PPL: variants seen among roughly 807,000 people sequenced by gnomAD.
The protein encoded by PPL is 190 kDa paraneoplastic pemphigus antigen.
A neutral mutation model predicts 194.4 loss-of-function variants in PPL; 198 were observed. That is an observed-to-expected ratio of 1.02 (90% confidence interval 0.91 to 1.15). The LOEUF is 1.15. PPL is among the 50% of genes most tolerant of loss of function. The pLI is 0.00. For missense variants in PPL, 2,885 were observed against 2,294.8 expected (o/e 1.26, Z -5.25); for synonymous variants, 1,220 against 972.4 (o/e 1.25, Z -4.74).
At chr16:4,921,142 G>A (rs2089041963) in intron 1 of PPL, among the ~76,000 whole-genome samples, 1 of 152,144 alleles carries the variant, frequency 6.6e-6, no homozygotes. Context: ...GGACAATCCT[G>A]AGCAGTCTCA....
At position 4,887,135 on chromosome 16, in the gene PPL, C is replaced by G; in HGVS notation, c.2607G>C (p.Gln869His). 1 of 1,608,072 alleles carries G rather than the reference C, an allele frequency of 6.2e-7. No homozygotes were observed. The highest frequency in any genetic ancestry group is 8.5e-7 in the Non-Finnish European group (1 of 1,174,512). ...AGAATTTCTTACTAAGATCAGTTAC[C>G]TGTCTGAGGAGATTCAGAGCAAACT... Reference protein sequence around the residue: ...NLEFALNLLRQQPEVEVTHET... With the variant: ...NLEFALNLLRHQPEVEVTHET... The change falls in exon 21 of 22, where the codon CAG becomes CAC. Residue 869 changes from glutamine (Q) to histidine (H), a missense_variant and splice_region_variant. Transcript: ENST00000345988.
chr16:4,893,027 G>C (rs577715321), intron 14 of PPL, 186 bp downstream of exon 14: 2 of 670,384 alleles, frequency 3.0e-6, no homozygotes, highest in South Asian at 5.5e-5. Flanking sequence ...CTTTCTCCTG[G>C]GGAGGTAATG....
intron 1 of PPL, among the ~76,000 whole-genome samples, chr16:4,933,530 G>T (rs188772248): frequency 6.6e-6 from 1 of 152,266 alleles, no homozygotes; most frequent in African/African-American, 2.4e-5. Context: ...CCTCCTCTGT[G>T]AAGTCCTCCC....
chr16:4,891,883 C>T lies in PPL; in HGVS notation c.1896G>A (p.Glu632=). The change falls in exon 16 of 22, where the codon GAG becomes GAA. Residue 632 remains glutamate (E), a synonymous_variant. Coordinates refer to ENST00000345988, the MANE Select transcript of PPL (RefSeq NM_002705.5). The part of the protein sequence containing the change: ...QQSWELLATH[E]NHLNQDDTVP... Reference sequence around the variant, plus strand: ...CTGTGTCATCCTGATTCAGATGGTTCTCGTGTGTGGCCAGCAACTCCCAGC... The same window carrying T: ...CTGTGTCATCCTGATTCAGATGGTTTTCGTGTGTGGCCAGCAACTCCCAGC... 6.2e-7 allele frequency: 1 copy of T among 1,613,586 alleles called. No homozygotes were observed. The highest frequency in any genetic ancestry group is 8.5e-7 in the Non-Finnish European group (1 of 1,180,020).
At chr16:4,889,245 T>TG (rs1567992845) in intron 18 of PPL, among the ~76,000 whole-genome samples, 184 bp from the exon 19 acceptor site, 5 of 20,890 alleles carry the variant, frequency 2.4e-4, no homozygotes, top group Admixed American at 1.2e-3. Flanking sequence ...GTTGTTGTTT[T>TG]TTTTTTTTTT....
chr16:4,931,607 TAA>T (rs1400476768), intron 1 of PPL, among the ~76,000 whole-genome samples: 44 of 152,250 alleles, frequency 2.9e-4, no homozygotes, highest in African/African-American at 1.0e-3. Context: ...GTGGTGCCGG[TAA>T]CACCGGCACA....
At chr16:4,923,000 C>T (rs765795864) in intron 1 of PPL, among the ~76,000 whole-genome samples, 3 of 152,172 alleles carry the variant, frequency 2.0e-5, no homozygotes, top group Admixed American at 6.5e-5. Flanking sequence ...GGGGGACAAA[C>T]GCACAGCCCG....
At chr16:4,901,580 T>C (rs1288577170) in intron 4 of PPL, among the ~76,000 whole-genome samples, 1 of 151,700 alleles carries the variant, frequency 6.6e-6, no homozygotes, top group Non-Finnish European at 1.5e-5. Flanking sequence ...TCCCAGCTAC[T>C]TGAGAGGCTG....
At position 4,884,204 on chromosome 16, in the gene PPL, C is replaced by G. The variant is rs201406268; in HGVS notation, c.4451G>C (p.Arg1484Pro). The G allele has an allele frequency of 2.3e-5, 37 of 1,613,820 alleles. No homozygotes were observed. The highest frequency in any genetic ancestry group is 2.8e-5 in the Non-Finnish European group (33 of 1,179,996). ...QLLEGELETLRRKLAALEKAE... is the reference protein window; with the variant it reads ...QLLEGELETLPRKLAALEKAE... ...CTTCTCCAGTGCAGCCAGTTTCCTC[C>G]GGAGGGTCTCGAGCTCCCCCTCCAG... The change falls in exon 22 of 22, where the codon CGG (arginine) becomes CCG (proline). Residue 1484 changes from arginine (R) to proline (P), a missense_variant. Arg to Pro is a moderately radical substitution (Grantham distance 103, BLOSUM62 -2). Coordinates refer to ENST00000345988, the MANE Select transcript of PPL (RefSeq NM_002705.5). This position sits in a 1 kb window ranked among gnomAD's most constrained non-coding sequence, Gnocchi z 5.7.
chr16:4,921,236 GC>G (rs1447362867), intron 1 of PPL, among the ~76,000 whole-genome samples: 1 of 152,228 alleles, frequency 6.6e-6, no homozygotes, highest in Non-Finnish European at 1.5e-5. Context: ...TCAGGAGGCT[GC>G]CCGGTTCCTC....
At chr16:4,899,475 C>CTGGCCTGAGGACAAGCCCAGCTATTGG in intron 6 of PPL, 91 bp from the exon 7 acceptor site, 1 of 709,080 alleles carries the variant, frequency 1.4e-6, no homozygotes, top group Non-Finnish European at 2.3e-6. Context: ...CCAGCTATGG[C>CTGGCCTGAGGACAAGCCCAGCTATTGG]TGGCCTGAGG....
At chr16:4,897,377 T>A (rs2088452213) in intron 9 of PPL, among the ~76,000 whole-genome samples, 2 of 148,104 alleles carry the variant, frequency 1.4e-5, no homozygotes, top group South Asian at 4.4e-4. Context: ...GTTTTATGTA[T>A]CTGCATGTAT....
Position 4,904,007 on chromosome 16 carries a change from C to G in PPL, c.196G>C (p.Glu66Gln), listed in dbSNP as rs1431218110. 1.2e-6 allele frequency: 2 copies of G among 1,612,942 alleles called. No homozygotes were observed. The highest frequency in any genetic ancestry group is 2.7e-5 in the African/African-American group (2 of 74,920). Residue 66 changes from glutamate (E) to glutamine (Q), a missense_variant, in exon 3 of 22, where the codon GAG becomes CAG. Physicochemically the swap from Glu to Gln is conservative, Grantham distance 29 (BLOSUM62 2). Coordinates refer to ENST00000345988, the MANE Select transcript of PPL (RefSeq NM_002705.5). ...LARLQEGRQP[E>Q]HRDVTLQKVL... ...TTCTGCAGGGTCACGTCCCGGTGCTCAGGCTGCCGACCCTCCTGCAGCCGA... is the reference window on the plus strand; with the variant it reads ...TTCTGCAGGGTCACGTCCCGGTGCTGAGGCTGCCGACCCTCCTGCAGCCGA...
intron 1 of PPL, among the ~76,000 whole-genome samples, chr16:4,922,436 C>G (rs1364210170): frequency 6.6e-6 from 1 of 152,082 alleles, no homozygotes; most frequent in Non-Finnish European, 1.5e-5. Flanking sequence ...CTGAGGTGGG[C>G]AGATCACCTG....
intron 10 of PPL, 61 bp downstream of exon 10, chr16:4,895,533 G>A (rs1361289152): frequency 6.2e-7 from 1 of 1,611,178 alleles, no homozygotes; most frequent in South Asian, 1.1e-5. Flanking sequence ...GCTGAGGGCA[G>A]GCATGGTGTA....
At chr16:4,901,875 C>T (rs904494937) in intron 4 of PPL, among the ~76,000 whole-genome samples, 17 of 148,156 alleles carry the variant, frequency 1.1e-4, no homozygotes, top group African/African-American at 2.0e-4. Flanking sequence ...GGGAAGTTGA[C>T]GCTGCAGTGA....
At chr16:4,922,639 G>C (rs1157942090) in intron 1 of PPL, among the ~76,000 whole-genome samples, 1 of 152,242 alleles carries the variant, frequency 6.6e-6, no homozygotes, top group Admixed American at 6.5e-5. Context: ...TCCAGCCTGG[G>C]TGACAGAGCA....
At position 4,884,726 on chromosome 16, in the gene PPL, G is replaced by A. The variant is rs769412954; in HGVS notation, c.3929C>T (p.Ser1310Phe). ...EDPQTKEEVASLRAKLSEEQK... is the reference protein window; with the variant it reads ...EDPQTKEEVAFLRAKLSEEQK... ...CTCCTCTGAGAGCTTTGCCCTCAGAGACGCCACCTCCTCCTTGGTTTGAGG... is the reference window on the plus strand; with the variant it reads ...CTCCTCTGAGAGCTTTGCCCTCAGAAACGCCACCTCCTCCTTGGTTTGAGG... The change falls in exon 22 of 22, where the codon TCT (serine) becomes TTT (phenylalanine). Residue 1310 changes from serine to phenylalanine, a missense_variant. Coordinates refer to ENST00000345988, the MANE Select transcript of PPL (RefSeq NM_002705.5). The surrounding 1 kb of genome is among the most constrained non-coding windows in gnomAD (Gnocchi z 5.7). 3.7e-6 allele frequency: 6 copies of A among 1,614,160 alleles called. No individual in the cohort carries two copies. In the South Asian group the frequency reaches 5.5e-5, roughly 15 times the overall value.
In PPL at chr16:4,884,146, CT is replaced by C; in HGVS notation, c.4508del (p.Glu1503GlyfsTer35). The C allele has an allele frequency of 6.2e-7, 1 of 1,613,840 alleles. No homozygotes were observed. The highest frequency in any genetic ancestry group is 8.5e-7 in the Non-Finnish European group (1 of 1,180,038). On this transcript the variant is annotated frameshift_variant, in exon 22 of 22. Coordinates refer to ENST00000345988, the MANE Select transcript of PPL (RefSeq NM_002705.5). LOFTEE classifies it high-confidence loss of function. The surrounding 1 kb of genome is among the most constrained non-coding windows in gnomAD (Gnocchi z 5.7). ...AEVKEKVVLSESVQVEKGDTE... is the reference protein window; with the variant it reads ...AEVKEKVVLSXSVQVEKGDTE... ...TGTCGCCCTTCTCCACCTGGACACT[CT>C]CGGAGAGCACCACCTTCTCCTTGAC...
Sources: allele counts gnomAD v4.1 joint callset (sites outside exome capture counted in the v4.1 genomes callset), GRCh38; gene constraint gnomAD v4.1.1; non-coding constraint Gnocchi (gnomAD v3.1); transcripts MANE v1.5; gene names NCBI Gene and HGNC (gene_info 2026-07-23, HGNC 2026-07-21).